Variants in EXOSC4 observed in about 807,000 individuals in gnomAD.
EXOSC4 encodes the protein exosome component 4, also known as exosome complex component RRP41.
Under a neutral mutation model 20.0 loss-of-function variants are expected in EXOSC4, and 14 were observed. That is an observed-to-expected ratio of 0.70 (90% confidence interval 0.46 to 1.09). The LOEUF (loss-of-function observed/expected upper bound fraction) is 1.09, where lower values mean the gene tolerates loss of function less well. Ranked by LOEUF, EXOSC4 falls within the 50% of genes least tolerant of loss-of-function variation. EXOSC4 has a pLI of 0.00. For missense variants in EXOSC4, 337 were observed against 334.0 expected, an observed-to-expected ratio of 1.01 and a Z score of -0.07; for synonymous variants, 148 against 146.4, an observed-to-expected ratio of 1.01 and a Z score of -0.08.
chr8:144,071,877 G>C, the EXOSC4 span, among the ~76,000 whole-genome samples: 1 of 152,122 alleles, frequency 6.6e-6, no homozygotes, highest in Admixed American at 6.5e-5. Flanking sequence ...CTACCGGGGA[G>C]GCTGAGGTGG....
chr8:144,067,312 T>A, the EXOSC4 span, among the ~76,000 whole-genome samples: 1 of 152,052 alleles, frequency 6.6e-6, no homozygotes, highest in Admixed American at 6.6e-5. Flanking sequence ...AAGGAGATGG[T>A]TTTGGGTGAG....
the EXOSC4 span, among the ~76,000 whole-genome samples, chr8:144,072,130 G>A: frequency 1.3e-5 from 2 of 152,178 alleles, no homozygotes. Context: ...CGTGTGTTGG[G>A]AACATTTCAA....
chr8:144,079,062 T>G (rs1835868557), intron 1 of EXOSC4, 163 bp downstream of exon 1: 1 of 798,434 alleles, frequency 1.3e-6, no homozygotes, highest in African/African-American at 1.8e-5. Flanking sequence ...AAGTCCTTAG[T>G]GTGCTGCGCG....
chr8:144,067,609 G>A, the EXOSC4 span, among the ~76,000 whole-genome samples: 18 of 152,206 alleles, frequency 1.2e-4, no homozygotes, highest in African/African-American at 4.1e-4. Context: ...GTGGAGACCA[G>A]AAGACTCAAA....
At chr8:144,073,246 C>T in the EXOSC4 span, among the ~76,000 whole-genome samples, 110 of 152,194 alleles carry the variant, frequency 7.2e-4, no homozygotes, top group African/African-American at 2.2e-3. Flanking sequence ...ATTAGCCAGG[C>T]GTGGTGGCGG....
upstream of EXOSC4, among the ~76,000 whole-genome samples, chr8:144,076,448 G>A (rs952315615): frequency 2.0e-5 from 3 of 152,120 alleles, no homozygotes; most frequent in Admixed American, 6.5e-5. Flanking sequence ...TAAGCTTTAG[G>A]CCTCCAAAAT....
upstream of EXOSC4, among the ~76,000 whole-genome samples, chr8:144,074,065 C>T (rs117715888): frequency 1.1e-4 from 16 of 152,272 alleles, 1 homozygote; most frequent in East Asian, 1.5e-3. Context: ...AAGGAGTTGG[C>T]GCTCGAGAAA....
At chr8:144,068,873 A>T in the EXOSC4 span, among the ~76,000 whole-genome samples, 1 of 152,276 alleles carries the variant, frequency 6.6e-6, no homozygotes, top group East Asian at 1.9e-4. Flanking sequence ...CTGCCACAGC[A>T]CAGGGGTCTC....
chr8:144,073,072 C>T, the EXOSC4 span, among the ~76,000 whole-genome samples: 1 of 152,212 alleles, frequency 6.6e-6, no homozygotes, highest in South Asian at 2.1e-4. Context: ...GAATGTCCAG[C>T]CCATAGCAGC....
At chr8:144,072,011 A>G in the EXOSC4 span, among the ~76,000 whole-genome samples, 9 of 152,280 alleles carry the variant, frequency 5.9e-5, no homozygotes, top group East Asian at 1.2e-3. Flanking sequence ...AAATGTGTAC[A>G]TATTTATGGG....
chr8:144,065,977 G>GTTTT, the EXOSC4 span, among the ~76,000 whole-genome samples: 2 of 139,280 alleles, frequency 1.4e-5, no homozygotes, highest in African/African-American at 5.4e-5. Context: ...TGCCTGGCTA[G>GTTTT]TTTTTTTGTT....
the EXOSC4 span, among the ~76,000 whole-genome samples, chr8:144,067,731 G>C: frequency 2.0e-5 from 3 of 152,218 alleles, no homozygotes; most frequent in Admixed American, 6.5e-5. Context: ...GTGTTGGCCG[G>C]GCACAGTGGC....
At position 144,078,843 on chromosome 8, in the gene EXOSC4, G is replaced by A; in HGVS notation, c.115G>A (p.Ala39Thr). 1.3e-6 allele frequency: 2 copies of A among 1,579,360 alleles called. No individual in the cohort carries two copies. The highest frequency in any genetic ancestry group is 1.7e-6 in the Non-Finnish European group (2 of 1,165,510). ...MGVFAQADGS[A>T]YIEQGNTKAL... is the part of the protein sequence containing the mutation. ...CGTGTTCGCGCAGGCTGACGGCTCG[G>A]CCTACATTGAGCAGGGCAACACCAA... Residue 39 changes from alanine to threonine, a missense_variant, in exon 1 of 3, where the codon GCC becomes ACC. Coordinates refer to ENST00000316052, the MANE Select transcript of EXOSC4 (RefSeq NM_019037.3). The surrounding 1 kb of genome is among the most constrained non-coding windows in gnomAD (Gnocchi z 4.7).
the EXOSC4 span, among the ~76,000 whole-genome samples, chr8:144,067,022 G>C: frequency 6.6e-6 from 1 of 151,906 alleles, no homozygotes; most frequent in East Asian, 1.9e-4. Flanking sequence ...GGGAGGCAGA[G>C]GTTGTGGAGA....
chr8:144,077,587 A>G (rs538021949), upstream of EXOSC4, among the ~76,000 whole-genome samples: 1 of 152,200 alleles, frequency 6.6e-6, no homozygotes, highest in East Asian at 1.9e-4. Context: ...TCTAATATTG[A>G]CACTCCTCCC....
At chr8:144,079,215 C>T (rs1359807393) in intron 1 of EXOSC4, 11 of 293,174 alleles carry the variant, frequency 3.8e-5, no homozygotes, top group Non-Finnish European at 6.3e-5. Flanking sequence ...ACCTTATTAT[C>T]CACGCGGTAC....
rs1038537286 is a variant in EXOSC4 at position 144,078,949 on chromosome 8, G to C, written c.171+50G>C. On this transcript the variant is annotated intron_variant, in intron 1 of 2. Coordinates refer to ENST00000316052, the MANE Select transcript of EXOSC4 (RefSeq NM_019037.3). The surrounding 1 kb of genome is among the most constrained non-coding windows in gnomAD (Gnocchi z 4.7). The stretch of plus-strand genomic sequence containing the variant: ...ATCGTGTGGCCGTGGGAGCTGCGGG[G>C]CAGCCGGGCTGAGCGCTGGCTCGGG... The C allele has an allele frequency of 2.6e-5, 36 of 1,409,174 alleles. No individual in the cohort carries two copies. The highest frequency in any genetic ancestry group is 3.2e-5 in the Non-Finnish European group (35 of 1,080,246). 87.3% of individuals were successfully genotyped at this position (1,409,174 alleles called of 1,614,324 possible).
rs375294871 is a variant in EXOSC4 at position 144,080,173 on chromosome 8, C to G, written c.378+24C>G. On this transcript the variant is annotated intron_variant, in intron 2 of 2. Transcript: ENST00000316052. The surrounding 1 kb of genome is among the most constrained non-coding windows in gnomAD (Gnocchi z 4.9). ...AGGTGAGCCAGCTGCAGCCGTCAATCCAGGGAGGGAAGGGTGTGATGGGGT... is the reference window on the plus strand; with the variant it reads ...AGGTGAGCCAGCTGCAGCCGTCAATGCAGGGAGGGAAGGGTGTGATGGGGT... The G allele has an allele frequency of 2.5e-6, 4 of 1,608,158 alleles. No homozygotes were observed. In the East Asian group the frequency reaches 8.9e-5, roughly 36 times the overall value.
chr8:144,080,115 T>G lies in EXOSC4; in HGVS notation c.344T>G (p.Leu115Arg). The change falls in exon 2 of 3, where the codon CTG becomes CGG. Residue 115 changes from leucine to arginine, a missense_variant. Leu to Arg is a moderately radical substitution (Grantham distance 102). Coordinates refer to ENST00000316052, the MANE Select transcript of EXOSC4 (RefSeq NM_019037.3). This position sits in a 1 kb window ranked among gnomAD's most constrained non-coding sequence, Gnocchi z 4.9. ...QTFEAAILTQ[L>R]HPRSQIDIYV... Reference sequence around the variant, plus strand: ...TTCGAAGCAGCCATCCTCACACAGCTGCACCCACGCTCCCAGATTGATATC... The same window carrying G: ...TTCGAAGCAGCCATCCTCACACAGCGGCACCCACGCTCCCAGATTGATATC... 6.2e-7 allele frequency: 1 copy of G among 1,613,720 alleles called. No individual in the cohort carries two copies. Among genetic ancestry groups the G allele is most frequent in the Non-Finnish European group, 8.5e-7 (1 of 1,179,728 alleles).
Sources: gnomAD v4.1 joint callset for allele counts (sites outside exome capture counted in the v4.1 genomes callset) on GRCh38, gnomAD v4.1.1 for gene constraint, Gnocchi (gnomAD v3.1) non-coding constraint, MANE v1.5 for transcripts, NCBI Gene and HGNC (gene_info 2026-07-23, HGNC 2026-07-21) for gene names.